Variants in PPEF1 observed in about 807,000 individuals in gnomAD.
The protein encoded by PPEF1 is serine/threonine-protein phosphatase with EF-hands 1.
PPEF1 carries 12 observed loss-of-function variants against 53.3 expected under a neutral mutation model. That is an observed-to-expected ratio of 0.23 (90% CI 0.14 to 0.36). The LOEUF (loss-of-function observed/expected upper bound fraction) is 0.36, where lower values mean the gene tolerates loss of function less well. Ranked by LOEUF, PPEF1 falls within the 10% of genes least tolerant of loss-of-function variation. The probability of loss-of-function intolerance (pLI) is 1.00; values close to 1 mark genes in which losing one functional copy is unlikely to be tolerated. For missense variants in PPEF1, 334 were observed against 490.4 expected (o/e 0.68, Z 3.01); for synonymous variants, 165 against 176.7 (o/e 0.93, Z 0.52).
chrX:18,737,860 C>A (rs1198268667), intron 3 of PPEF1, among the ~76,000 whole-genome samples: 2 of 111,592 alleles, frequency 1.8e-5, no homozygotes, highest in African/African-American at 6.5e-5. Context: ...TTGAATTGAT[C>A]CCTTTACCAT....
chrX:18,803,778 A>G, intron 10 of PPEF1, 114 bp from the exon 11 acceptor site: 1 of 736,885 alleles, frequency 1.4e-6, no homozygotes, highest in Non-Finnish European at 1.9e-6. Context: ...TCAAGGAAGA[A>G]TGAGAAGTGG....
chrX:18,779,941 G>A lies in PPEF1; in HGVS notation c.725+765G>A, dbSNP rs577373918. On this transcript the variant is annotated intron_variant, in intron 7 of 15. Transcript: ENST00000470157. The stretch of plus-strand genomic sequence containing the variant: ...GTTTTGTCTTTGGGGCAGTTTTGGC[G>A]CCTGGCTTGAGTACAGAGTTTCAAT... Among the ~76,000 whole-genome samples the A allele has an allele frequency of 6.1e-4, 68 of 111,644 alleles. No individual in the cohort carries two copies. In the South Asian group the frequency reaches 0.013, roughly 21 times the overall value.
chrX:18,740,644 C>G (rs748681950), intron 3 of PPEF1, among the ~76,000 whole-genome samples: 1 of 110,728 alleles, frequency 9.0e-6, no homozygotes, highest in Non-Finnish European at 1.9e-5. Flanking sequence ...CCCCTGACCT[C>G]GTGATCTGCC....
intron 3 of PPEF1, among the ~76,000 whole-genome samples, chrX:18,690,358 GTTTTTT>G (rs67423941): frequency 1.4e-5 from 1 of 71,263 alleles, no homozygotes. Flanking sequence ...TCTAGGACTT[GTTTTTT>G]TTTTTTTTTT....
At chrX:18,707,238 A>T (rs774784346), upstream of PPEF1, among the ~76,000 whole-genome samples, 1 of 111,869 alleles carries the variant, frequency 8.9e-6, no homozygotes, top group Non-Finnish European at 1.9e-5. Context: ...TCTCATAGTC[A>T]ACTTCCAATT....
chrX:18,723,173 C>T (rs761763020), intron 1 of PPEF1, among the ~76,000 whole-genome samples: 1 of 110,606 alleles, frequency 9.0e-6, no homozygotes, highest in African/African-American at 3.3e-5. Flanking sequence ...TTAGTAGAGA[C>T]GAGGTTTTGC....
chrX:18,750,895 G>A (rs988060843), intron 4 of PPEF1, among the ~76,000 whole-genome samples: 2 of 110,576 alleles, frequency 1.8e-5, no homozygotes, highest in African/African-American at 3.3e-5. Flanking sequence ...TGTGTGTGAC[G>A]TGGCATTTCA....
In PPEF1 at chrX:18,751,916, G is replaced by T. The variant is rs1410984572; in HGVS notation, c.396+1964G>T. Among the ~76,000 whole-genome samples, 3 of 112,590 alleles carry T rather than the reference G, an allele frequency of 2.7e-5. No homozygotes were observed. The East Asian group carries it at 8.3e-4, about 31-fold the overall frequency. ...TTGCTGTAGCTTTGTAGTAAGTTTT[G>T]AAATAGGGAAGTGTGAGTCCTTCAA... On this transcript the variant is annotated intron_variant, in intron 4 of 15. Transcript: ENST00000470157.
At chrX:18,778,889 C>T (rs2046024940) in intron 6 of PPEF1, 121 bp from the exon 7 acceptor site, 1 of 733,215 alleles carries the variant, frequency 1.4e-6, no homozygotes, top group African/African-American at 2.1e-5. Context: ...CAGATTTTTC[C>T]CGGTGGAAGA....
At chrX:18,755,196 A>G (rs2045521603) in intron 4 of PPEF1, among the ~76,000 whole-genome samples, 2 of 112,193 alleles carry the variant, frequency 1.8e-5, no homozygotes, top group Admixed American at 9.4e-5. Flanking sequence ...GAGTAAAAAA[A>G]AAAGGATCAT....
chrX:18,704,882 G>T (rs2044163547), upstream of PPEF1, among the ~76,000 whole-genome samples: 1 of 111,410 alleles, frequency 9.0e-6, no homozygotes, highest in Non-Finnish European at 1.9e-5. Flanking sequence ...AGTACTGGGA[G>T]TTTGAAAAGC....
At chrX:18,728,654 T>C (rs2044765576) in intron 1 of PPEF1, among the ~76,000 whole-genome samples, 1 of 111,503 alleles carries the variant, frequency 9.0e-6, no homozygotes, top group Non-Finnish European at 1.9e-5. Flanking sequence ...ATACGTGATG[T>C]TGGGTCTATT....
chrX:18,729,421 T>C (rs1470630745), intron 1 of PPEF1, among the ~76,000 whole-genome samples: 7 of 112,443 alleles, frequency 6.2e-5, no homozygotes, highest in African/African-American at 1.9e-4. Context: ...TCTTTCCCTT[T>C]GTATATGTTC....
chrX:18,756,165 G>A (rs2045545286), intron 4 of PPEF1, among the ~76,000 whole-genome samples: 2 of 110,374 alleles, frequency 1.8e-5, no homozygotes, highest in South Asian at 7.7e-4. Flanking sequence ...AAAAAATGAC[G>A]TGTTTCTCCA....
At chrX:18,695,455 G>A (rs762696620) in intron 4 of PPEF1, among the ~76,000 whole-genome samples, 6 of 112,576 alleles carry the variant, frequency 5.3e-5, no homozygotes, top group Non-Finnish European at 1.1e-4. Context: ...ACACAGTGGT[G>A]TGAATTGACC....
chrX:18,763,537 C>T (rs1009219399), intron 6 of PPEF1, among the ~76,000 whole-genome samples: 1 of 110,485 alleles, frequency 9.1e-6, no homozygotes, highest in Non-Finnish European at 1.9e-5. Context: ...TGGCCTGCCA[C>T]ATTTTGATGA....
In PPEF1 at chrX:18,687,690, T is replaced by C. The variant is rs1316113239; in HGVS notation, c.-426+1459T>C. On this transcript the variant is annotated intron_variant, in intron 3 of 21. Coordinates refer to the PPEF1 transcript ENST00000361511. ...TATTCTCTTTAAATATTCTTCTTTT[T>C]TTTTTTTTTTTTTTTTGAGACAGAG... is the stretch of plus-strand genomic sequence containing the variant. 9.8e-5 allele frequency among the ~76,000 whole-genome samples: 10 copies of C among 101,764 alleles called. No homozygotes were observed. In the South Asian group the frequency reaches 1.4e-3, roughly 14 times the overall value. The allele number at this position is 101,764 out of a possible 115,157, so 88.4% of individuals were successfully genotyped here. A position where few individuals can be genotyped will look rare whatever the true frequency, so the allele number is the denominator to read the frequency against.
At chrX:18,729,457 A>G (rs1040301708) in intron 1 of PPEF1, among the ~76,000 whole-genome samples, 1 of 112,191 alleles carries the variant, frequency 8.9e-6, no homozygotes, top group African/African-American at 3.2e-5. Flanking sequence ...TTGTATCTAT[A>G]TAGTTCTATT....
chrX:18,684,571 C>T (rs933548057), intron 1 of PPEF1, among the ~76,000 whole-genome samples: 1 of 110,200 alleles, frequency 9.1e-6, no homozygotes, highest in Non-Finnish European at 1.9e-5. Flanking sequence ...TTTGTCTCCC[C>T]CTCTCTTACT....
Sources: allele counts gnomAD v4.1 joint callset (sites outside exome capture counted in the v4.1 genomes callset), GRCh38; gene constraint gnomAD v4.1.1; transcripts MANE v1.5; gene names NCBI Gene and HGNC (gene_info 2026-07-23, HGNC 2026-07-21).